The following MEIS2 variants were observed in gnomAD, a reference collection of about 807,000 sequenced individuals.
The protein encoded by MEIS2 is Meis homeobox 2.
A neutral mutation model predicts 58.6 loss-of-function variants in MEIS2; 9 were observed. The ratio of observed to expected loss-of-function variants is 0.15; its 90% CI spans 0.09 to 0.27. The LOEUF is 0.27. Ranked by LOEUF, MEIS2 falls within the 10% of genes least tolerant of loss-of-function variation. The pLI is 1.00. For missense variants in MEIS2, 427 were observed against 635.0 expected, an observed-to-expected ratio of 0.67 and a Z score of 3.52; for synonymous variants, 221 against 228.4, an observed-to-expected ratio of 0.97 and a Z score of 0.29.
At chr15:36,932,267 C>A (rs1290890633) in intron 9 of MEIS2, among the ~76,000 whole-genome samples, 2 of 152,118 alleles carry the variant, frequency 1.3e-5, no homozygotes, top group African/African-American at 4.8e-5. Context: ...TTGCATGACT[C>A]TGAAGGTGCT....
intron 9 of MEIS2, among the ~76,000 whole-genome samples, chr15:36,938,566 T>G (rs572149741): frequency 1.3e-5 from 2 of 152,352 alleles, no homozygotes; most frequent in East Asian, 3.9e-4. Context: ...TTTTAATAGC[T>G]AAATCTCTGA....
At chr15:36,922,826 C>A (rs1464438663) in intron 9 of MEIS2, among the ~76,000 whole-genome samples, 1 of 151,400 alleles carries the variant, frequency 6.6e-6, no homozygotes, top group African/African-American at 2.4e-5. Context: ...CCATGTTGAT[C>A]AGGCTGCTCT....
chr15:36,981,701 T>C (rs1447720728), intron 8 of MEIS2, among the ~76,000 whole-genome samples: 3 of 152,230 alleles, frequency 2.0e-5, no homozygotes, highest in African/African-American at 7.2e-5. Flanking sequence ...TGGTAATACA[T>C]TATTTCTGGG....
chr15:36,913,215 G>A (rs545646134), intron 9 of MEIS2, among the ~76,000 whole-genome samples: 1 of 152,310 alleles, frequency 6.6e-6, no homozygotes, highest in South Asian at 2.1e-4. Flanking sequence ...GTTTAGAGTG[G>A]ATGCTCAATA....
At chr15:36,996,630 T>C (rs530004386) in intron 8 of MEIS2, among the ~76,000 whole-genome samples, 1 of 152,302 alleles carries the variant, frequency 6.6e-6, no homozygotes, top group African/African-American at 2.4e-5. Context: ...ACTGTTTCTT[T>C]CTTAGTAGGT....
chr15:37,082,108 T>C lies in MEIS2; in HGVS notation c.754+1663A>G, dbSNP rs558808125. Among the ~76,000 whole-genome samples the C allele has an allele frequency of 3.9e-5, 6 of 152,310 alleles. No homozygotes were observed. The South Asian group carries it at 1.2e-3, about 32-fold the overall frequency. On this transcript the variant is annotated intron_variant, in intron 7 of 11. Transcript: ENST00000561208. ...AATTTCAGTTGGGACCTTGGTGACCTGTTAATGAATCTACAGAGAGGAGAA... is the reference window on the plus strand; with the variant it reads ...AATTTCAGTTGGGACCTTGGTGACCCGTTAATGAATCTACAGAGAGGAGAA...
At chr15:37,045,098 T>C (rs887303176) in intron 7 of MEIS2, among the ~76,000 whole-genome samples, 4 of 152,164 alleles carry the variant, frequency 2.6e-5, no homozygotes, top group African/African-American at 9.7e-5. Context: ...TATGCAGAGA[T>C]GATGTGAGAC....
intron 1 of MEIS2, chr15:37,099,119 C>T: frequency 9.5e-7 from 1 of 1,057,482 alleles, no homozygotes; most frequent in Non-Finnish European, 1.1e-6. Flanking sequence ...CCGGGGGAAT[C>T]GCGCTGCTGG....
intron 8 of MEIS2, among the ~76,000 whole-genome samples, chr15:36,982,788 C>A (rs545903684): frequency 6.6e-6 from 1 of 152,108 alleles, no homozygotes; most frequent in Non-Finnish European, 1.5e-5. Context: ...TCAGGGCTCC[C>A]TTTTCTCCAC....
At chr15:37,058,457 C>A (rs535044587) in intron 7 of MEIS2, among the ~76,000 whole-genome samples, 1 of 152,346 alleles carries the variant, frequency 6.6e-6, no homozygotes, top group South Asian at 2.1e-4. Flanking sequence ...TTTCAACGTT[C>A]TCTCCTGGGC....
intron 8 of MEIS2, among the ~76,000 whole-genome samples, chr15:36,966,299 G>T (rs1346700401): frequency 6.6e-6 from 1 of 152,146 alleles, no homozygotes; most frequent in African/African-American, 2.4e-5. Flanking sequence ...CATACATATA[G>T]AAATATTTAT....
At chr15:36,958,364 AG>A (rs1324683074) in intron 8 of MEIS2, among the ~76,000 whole-genome samples, 2 of 152,204 alleles carry the variant, frequency 1.3e-5, no homozygotes, top group African/African-American at 4.8e-5. Flanking sequence ...AAAGCGGAGA[AG>A]GAATGTCTTA....
At chr15:37,083,582 C>T (rs910484981) in intron 7 of MEIS2, among the ~76,000 whole-genome samples, 189 bp downstream of exon 7, 1 of 152,138 alleles carries the variant, frequency 6.6e-6, no homozygotes, top group African/African-American at 2.4e-5. Context: ...TTAGACAGCT[C>T]ACTTTGATTT....
At chr15:36,954,216 A>C (rs1410976873) in intron 8 of MEIS2, among the ~76,000 whole-genome samples, 1 of 151,914 alleles carries the variant, frequency 6.6e-6, no homozygotes. Flanking sequence ...TATATTATTG[A>C]GTAAAAAAAG....
intron 9 of MEIS2, among the ~76,000 whole-genome samples, chr15:36,917,815 A>G (rs1340122548): frequency 6.6e-6 from 1 of 152,242 alleles, no homozygotes; most frequent in Non-Finnish European, 1.5e-5. Flanking sequence ...AGTCCATACC[A>G]GAGACATGAG....
intron 8 of MEIS2, among the ~76,000 whole-genome samples, chr15:37,006,063 C>A (rs892876653): frequency 8.5e-5 from 13 of 152,212 alleles, no homozygotes; most frequent in Non-Finnish European, 1.8e-4. Flanking sequence ...TACTTATAAT[C>A]TTCTTCCCTT....
At chr15:36,960,012 C>G (rs772447713) in intron 8 of MEIS2, among the ~76,000 whole-genome samples, 5 of 151,274 alleles carry the variant, frequency 3.3e-5, no homozygotes, top group Non-Finnish European at 5.9e-5. Flanking sequence ...TCTTTAGTAA[C>G]AGGAAAAAAA....
intron 6 of MEIS2, among the ~76,000 whole-genome samples, chr15:37,086,245 A>G (rs1596107330): frequency 2.0e-5 from 3 of 152,302 alleles, no homozygotes; most frequent in Admixed American, 2.0e-4. Flanking sequence ...ATGAAGCCGG[A>G]GCAAGTCTTT....
chr15:36,918,599 C>T (rs2057373544), intron 9 of MEIS2, among the ~76,000 whole-genome samples: 2 of 152,118 alleles, frequency 1.3e-5, no homozygotes, highest in Non-Finnish European at 2.9e-5. Context: ...AAAGCAATAA[C>T]CATGCAATAA....
Sources: allele counts gnomAD v4.1 joint callset (sites outside exome capture counted in the v4.1 genomes callset), GRCh38; gene constraint gnomAD v4.1.1; transcripts MANE v1.5; gene names NCBI Gene and HGNC (gene_info 2026-07-23, HGNC 2026-07-21).